The following FBXL7 variants were observed in gnomAD, a reference collection of about 807,000 sequenced individuals.
FBXL7 encodes the protein F-box and leucine rich repeat protein 7.
FBXL7 carries 12 observed loss-of-function variants against 38.3 expected under a neutral mutation model. The observed-to-expected ratio is 0.31, with a 90% confidence interval of 0.20 to 0.51. FBXL7 has a LOEUF of 0.51. Ranked by LOEUF, FBXL7 falls within the 20% of genes least tolerant of loss-of-function variation. FBXL7 has a pLI of 0.98. For synonymous variants in FBXL7, 297 were observed against 300.9 expected (o/e 0.99, Z 0.13); for missense variants, 567 against 676.4 (o/e 0.84, Z 1.79).
At chr5:15,667,646 A>C (rs1198342276) in intron 2 of FBXL7, among the ~76,000 whole-genome samples, 2 of 152,014 alleles carry the variant, frequency 1.3e-5, no homozygotes, top group Admixed American at 1.3e-4. Context: ...TGCTAATTCT[A>C]CTTTGACATA....
At chr5:15,562,140 G>C (rs947920642) in intron 1 of FBXL7, among the ~76,000 whole-genome samples, 3 of 152,106 alleles carry the variant, frequency 2.0e-5, no homozygotes, top group East Asian at 3.9e-4. Flanking sequence ...AAAGACTTAA[G>C]ATGTGAAAAT....
In FBXL7 at chr5:15,624,240, A is replaced by G. The variant is rs1408060164; in HGVS notation, c.127+8168A>G. On this transcript the variant is annotated intron_variant, in intron 2 of 3. Transcript: ENST00000504595. ...AACTCATGTTGAAATTTGGCCCCCA[A>G]TATGGCAATGTTGAGTGGTGGGGCC... is the stretch of plus-strand genomic sequence containing the variant. 3.3e-5 allele frequency among the ~76,000 whole-genome samples: 5 copies of G among 152,172 alleles called. No homozygotes were observed. The South Asian group carries it at 6.2e-4, about 19-fold the overall frequency.
intron 2 of FBXL7, among the ~76,000 whole-genome samples, chr5:15,696,566 C>T (rs1162056848): frequency 6.6e-6 from 1 of 152,160 alleles, no homozygotes; most frequent in Non-Finnish European, 1.5e-5. Flanking sequence ...AATCATCCCA[C>T]CCAACCTTGC....
chr5:15,664,873 AG>A (rs1167750659), intron 2 of FBXL7, among the ~76,000 whole-genome samples: 3 of 9,402 alleles, frequency 3.2e-4, no homozygotes, highest in African/African-American at 1.3e-3. Flanking sequence ...AAATTTTTTC[AG>A]TTTTTTTTTT....
intron 1 of FBXL7, among the ~76,000 whole-genome samples, chr5:15,549,922 G>A (rs922311358): frequency 7.9e-5 from 12 of 152,196 alleles, no homozygotes; most frequent in African/African-American, 2.9e-4. Flanking sequence ...CAAGGTGGGT[G>A]GAAGGGGATG....
intron 2 of FBXL7, among the ~76,000 whole-genome samples, chr5:15,876,801 A>G (rs1740228301): frequency 6.6e-6 from 1 of 152,230 alleles, no homozygotes; most frequent in Non-Finnish European, 1.5e-5. Flanking sequence ...AATGCCTTTT[A>G]GAAAGTATTT....
rs1251156014 is a variant in FBXL7, at chr5:15,731,445, C to T, written c.127+115373C>T. 2.0e-5 allele frequency among the ~76,000 whole-genome samples: 3 copies of T among 152,224 alleles called. No individual in the cohort carries two copies. In the East Asian group the frequency reaches 5.8e-4, roughly 29 times the overall value. On this transcript the variant is annotated intron_variant, in intron 2 of 3. Coordinates refer to ENST00000504595, the MANE Select transcript of FBXL7 (RefSeq NM_012304.5). ...ATCACAGGAACAGCATGGGAAAGAC[C>T]GCCCCCCATGATTCAGTCATCTCCC...
At chr5:15,620,292 G>T (rs1327672501) in intron 2 of FBXL7, among the ~76,000 whole-genome samples, 1 of 149,670 alleles carries the variant, frequency 6.7e-6, no homozygotes, top group Non-Finnish European at 1.5e-5. Context: ...GAGTGCAGTG[G>T]CTCAATCTTG....
chr5:15,630,853 A>G (rs1031826279), intron 2 of FBXL7, among the ~76,000 whole-genome samples: 1 of 149,486 alleles, frequency 6.7e-6, no homozygotes, highest in Non-Finnish European at 1.5e-5. Flanking sequence ...AAATTTTGAG[A>G]TTTTTTTTTT....
intron 2 of FBXL7, among the ~76,000 whole-genome samples, chr5:15,831,817 G>A (rs1038649655): frequency 2.6e-5 from 4 of 152,156 alleles, no homozygotes; most frequent in Non-Finnish European, 5.9e-5. Context: ...CTTTCGGAAT[G>A]AAGACAATAG....
At chr5:15,541,335 C>T (rs1402414021) in intron 1 of FBXL7, among the ~76,000 whole-genome samples, 4 of 148,040 alleles carry the variant, frequency 2.7e-5, no homozygotes, top group Admixed American at 1.4e-4. Flanking sequence ...TGAACACTTA[C>T]GTGGTTCAAA....
chr5:15,578,749 T>C (rs1167343905), intron 1 of FBXL7, among the ~76,000 whole-genome samples: 1 of 152,220 alleles, frequency 6.6e-6, no homozygotes, highest in Non-Finnish European at 1.5e-5. Context: ...ACAGGTGTAC[T>C]AATTCTGCAA....
At chr5:15,806,283 A>G (rs545379086) in intron 2 of FBXL7, among the ~76,000 whole-genome samples, 1 of 152,336 alleles carries the variant, frequency 6.6e-6, no homozygotes, top group East Asian at 1.9e-4. Context: ...GTCAAAGTAG[A>G]AAAGTTAACT....
intron 2 of FBXL7, among the ~76,000 whole-genome samples, chr5:15,766,336 G>A (rs1736591637): frequency 2.0e-5 from 3 of 152,150 alleles, no homozygotes; most frequent in Admixed American, 6.5e-5. Flanking sequence ...TGGTATCTCT[G>A]TCTTCCCACC....
intron 2 of FBXL7, among the ~76,000 whole-genome samples, chr5:15,658,698 G>C (rs1046770364): frequency 6.6e-6 from 1 of 152,100 alleles, no homozygotes; most frequent in Non-Finnish European, 1.5e-5. Flanking sequence ...GAGCAAGCAG[G>C]GGGTATGTGA....
chr5:15,588,690 A>G (rs1739374175), intron 1 of FBXL7, among the ~76,000 whole-genome samples: 1 of 152,164 alleles, frequency 6.6e-6, no homozygotes, highest in South Asian at 2.1e-4. Flanking sequence ...CCCGGCCGCC[A>G]TGTTGTAATT....
At chr5:15,761,039 C>T (rs1427220715) in intron 2 of FBXL7, among the ~76,000 whole-genome samples, 1 of 152,024 alleles carries the variant, frequency 6.6e-6, no homozygotes, top group African/African-American at 2.4e-5. Flanking sequence ...AGAAATGGGG[C>T]AGCCATGACA....
intron 1 of FBXL7, among the ~76,000 whole-genome samples, chr5:15,579,042 T>A (rs1174911303): frequency 3.9e-5 from 6 of 152,278 alleles, no homozygotes; most frequent in South Asian, 4.1e-4. Context: ...AATGTGCTAT[T>A]TGGGTGAGAT....
chr5:15,784,759 G>C lies in FBXL7; in HGVS notation c.128-143131G>C, dbSNP rs80094993. ...AGCTCCCTGAGGCCTCCTAGAAGCCGAGCAGATGCTGGCACCATGCTTGTA... is the reference window on the plus strand; with the variant it reads ...AGCTCCCTGAGGCCTCCTAGAAGCCCAGCAGATGCTGGCACCATGCTTGTA... On this transcript the variant is annotated intron_variant, in intron 2 of 3. Coordinates refer to ENST00000504595, the MANE Select transcript of FBXL7 (RefSeq NM_012304.5). Among the ~76,000 whole-genome samples, 315 of 152,220 alleles carry C rather than the reference G, an allele frequency of 2.1e-3. 1 individual carries two copies. The highest frequency in any genetic ancestry group is 6.7e-3 in the African/African-American group (279 of 41,528).
Sources: gnomAD v4.1 joint callset for allele counts (sites outside exome capture counted in the v4.1 genomes callset) on GRCh38, gnomAD v4.1.1 for gene constraint, MANE v1.5 for transcripts, NCBI Gene and HGNC (gene_info 2026-07-23, HGNC 2026-07-21) for gene names.